Variants in TNRC6A observed in about 807,000 individuals in gnomAD.
The protein encoded by TNRC6A is trinucleotide repeat-containing gene 6A protein.
TNRC6A carries 44 observed loss-of-function variants against 221.2 expected under a neutral mutation model. The observed-to-expected ratio is 0.20, with a 90% CI of 0.16 to 0.26. The LOEUF is 0.26. Among genes scored for constraint, TNRC6A ranks in the 10% least tolerant of loss-of-function variants. TNRC6A has a pLI of 1.00. For synonymous variants in TNRC6A, 847 were observed against 838.5 expected (o/e 1.01, Z -0.18); for missense variants, 2,199 against 2,404.4 (o/e 0.91, Z 1.79).
chr16:24,635,946 T>C (rs1901615856), intron 1 of TNRC6A, among the ~76,000 whole-genome samples: 1 of 152,262 alleles, frequency 6.6e-6, no homozygotes, highest in African/African-American at 2.4e-5. Flanking sequence ...ATGCCGTTGA[T>C]CTGAGATTCT....
intron 22 of TNRC6A, 130 bp from the exon 23 acceptor site, chr16:24,821,947 A>C: frequency 1.2e-6 from 1 of 845,954 alleles, no homozygotes. Flanking sequence ...TTCTGGGCCT[A>C]GGGAGAAAGC....
At chr16:24,625,226 T>C (rs1057378901) in intron 1 of TNRC6A, among the ~76,000 whole-genome samples, 8 of 152,228 alleles carry the variant, frequency 5.3e-5, no homozygotes, top group Non-Finnish European at 8.8e-5. Flanking sequence ...TGAACTGTGA[T>C]GCACGAGGCT....
chr16:24,810,184 CAT>C (rs1373780577), intron 18 of TNRC6A, among the ~76,000 whole-genome samples: 10 of 152,174 alleles, frequency 6.6e-5, no homozygotes, highest in Admixed American at 5.2e-4. Flanking sequence ...ATGTGTAAGT[CAT>C]ATGGATTTAA....
chr16:24,746,210 T>A (rs1013939744), intron 2 of TNRC6A, among the ~76,000 whole-genome samples: 7 of 152,214 alleles, frequency 4.6e-5, no homozygotes, highest in African/African-American at 1.7e-4. Flanking sequence ...GTTTTCTTAT[T>A]TCAGATGTGT....
At chr16:24,815,444 T>A in intron 19 of TNRC6A, 139 bp downstream of exon 19, 1 of 994,334 alleles carries the variant, frequency 1.0e-6, no homozygotes. Context: ...CAGAAGTGAT[T>A]GAGGAAAAGT....
intron 2 of TNRC6A, among the ~76,000 whole-genome samples, chr16:24,690,243 T>A (rs2055728409): frequency 6.6e-6 from 1 of 151,850 alleles, no homozygotes; most frequent in African/African-American, 2.4e-5. Context: ...CTCCTGACCT[T>A]AAGTGATCCT....
At chr16:24,760,136 T>C (rs1449799439) in intron 4 of TNRC6A, among the ~76,000 whole-genome samples, 2 of 151,616 alleles carry the variant, frequency 1.3e-5, no homozygotes, top group Non-Finnish European at 2.9e-5. Context: ...ATGTTCATTC[T>C]TGTTTCTTTT....
At chr16:24,719,840 CAAA>C (rs59027857) in intron 2 of TNRC6A, among the ~76,000 whole-genome samples, 6 of 102,980 alleles carry the variant, frequency 5.8e-5, no homozygotes, top group Admixed American at 1.9e-4. Context: ...GACCTTGTCT[CAAA>C]AAAAAAAAAA....
At chr16:24,698,038 A>AAAG (rs1325364674) in intron 2 of TNRC6A, among the ~76,000 whole-genome samples, 1 of 151,322 alleles carries the variant, frequency 6.6e-6, no homozygotes, top group Non-Finnish European at 1.5e-5. Context: ...AAAAAAAAAA[A>AAAG]AAATGCAGGC....
rs188818993 is a variant in TNRC6A at position 24,613,818 on chromosome 16, G to T, written n.276+3334G>T. Among the ~76,000 whole-genome samples the T allele has an allele frequency of 3.9e-5, 6 of 152,252 alleles. No homozygotes were observed. The East Asian group carries it at 1.2e-3, about 29-fold the overall frequency. ...CCCAAAGTGCTGGGACTACAGGCAT[G>T]AACTACTGTGCCCAGCCTATTAAAG... is the stretch of plus-strand genomic sequence containing the variant. On this transcript the variant is annotated intron_variant and non_coding_transcript_variant, in intron 1 of 2. Transcript: ENST00000566108.
At chr16:24,749,568 T>G (rs758419909) in intron 2 of TNRC6A, among the ~76,000 whole-genome samples, 9 of 152,212 alleles carry the variant, frequency 5.9e-5, no homozygotes, top group Non-Finnish European at 1.2e-4. Flanking sequence ...TGCTCTGGTC[T>G]TCTGGAACCC....
chr16:24,669,614 C>T lies in TNRC6A; in HGVS notation n.402+28605C>T, dbSNP rs1468058221. ...TGTCTGGGCAGTGACTGTGTCTTCT[C>T]AGCCTTTGCTCCCAGCTCCTTACAA... On this transcript the variant is annotated intron_variant and non_coding_transcript_variant, in intron 2 of 2. Transcript: ENST00000566108. Among the ~76,000 whole-genome samples the T allele has an allele frequency of 2.0e-5, 3 of 152,240 alleles. No homozygotes were observed. The East Asian group carries it at 5.8e-4, about 29-fold the overall frequency.
intron 3 of TNRC6A, among the ~76,000 whole-genome samples, chr16:24,752,308 G>T (rs1208646472): frequency 6.6e-6 from 1 of 152,164 alleles, no homozygotes; most frequent in Non-Finnish European, 1.5e-5. Context: ...AGTTAATCAG[G>T]CTAGGGGATA....
chr16:24,709,651 C>T (rs1034739548), intron 2 of TNRC6A, among the ~76,000 whole-genome samples: 2 of 151,536 alleles, frequency 1.3e-5, no homozygotes, highest in African/African-American at 2.4e-5. Flanking sequence ...ATAGAAAGAC[C>T]CCATCTCTAC....
Position 24,790,361 on chromosome 16 carries a change from G to T in TNRC6A, c.1719G>T (p.Val573=), listed in dbSNP as rs537642500. The T allele has an allele frequency of 3.5e-5, 56 of 1,614,236 alleles. No individual in the cohort carries two copies. In the East Asian group the frequency reaches 4.7e-4, roughly 13 times the overall value. ...TTAACACAAACAAAGGAGGTGGTGT[G>T]TGGGAATCTGGTGCAGCAAACTCCC... ...FQVNTNKGGG[V]WESGAANSQS... Residue 573 remains valine, a synonymous_variant, in exon 6 of 25, where the codon GTG becomes GTT. Transcript: ENST00000395799.
intron 4 of TNRC6A, among the ~76,000 whole-genome samples, chr16:24,766,645 C>G (rs563279510): frequency 4.7e-5 from 7 of 150,370 alleles, no homozygotes; most frequent in Non-Finnish European, 1.0e-4. Flanking sequence ...GTTTGCCATG[C>G]ATAATCACTT....
At chr16:24,802,050 C>T (rs963099118) in intron 11 of TNRC6A, among the ~76,000 whole-genome samples, 6 of 152,102 alleles carry the variant, frequency 3.9e-5, no homozygotes, top group African/African-American at 1.2e-4. Context: ...TTTTTAAATA[C>T]CAGATTCATG....
intron 2 of TNRC6A, among the ~76,000 whole-genome samples, chr16:24,652,997 G>A (rs1362666242): frequency 6.6e-6 from 1 of 152,146 alleles, no homozygotes; most frequent in Non-Finnish European, 1.5e-5. Flanking sequence ...TGAAATTTGA[G>A]CTTCTTGGGA....
intron 1 of TNRC6A, among the ~76,000 whole-genome samples, chr16:24,619,464 G>C (rs1485588800): frequency 6.6e-6 from 1 of 152,204 alleles, no homozygotes; most frequent in African/African-American, 2.4e-5. Flanking sequence ...TGATAGAGCA[G>C]GGAACAATCA....
Sources: gnomAD v4.1 joint callset for allele counts (sites outside exome capture counted in the v4.1 genomes callset) on GRCh38, gnomAD v4.1.1 for gene constraint, MANE v1.5 for transcripts, NCBI Gene and HGNC (gene_info 2026-07-23, HGNC 2026-07-21) for gene names.